The following ADGB variants were observed in gnomAD, a reference collection of about 807,000 sequenced individuals.
ADGB encodes calpain-7-like protein.
A neutral mutation model predicts 210.5 loss-of-function variants in ADGB; 172 were observed. The observed-to-expected ratio is 0.82, with a 90% CI of 0.72 to 0.93. The LOEUF is 0.93. Among genes scored for constraint, ADGB ranks in the 40% least tolerant of loss-of-function variants. The probability of loss-of-function intolerance (pLI) is 0.00; values close to 1 mark genes in which losing one functional copy is unlikely to be tolerated. For synonymous variants in ADGB, 658 were observed against 662.7 expected (o/e 0.99, Z 0.11); for missense variants, 2,025 against 1,964.8 (o/e 1.03, Z -0.58).
At chr6:146,647,650 C>T (rs1775640801) in intron 3 of ADGB, among the ~76,000 whole-genome samples, 1 of 152,000 alleles carries the variant, frequency 6.6e-6, no homozygotes, top group Non-Finnish European at 1.5e-5. Flanking sequence ...TAAGATAAAA[C>T]ATTTTAGCAT....
At chr6:146,800,616 G>T (rs1201716186) in intron 33 of ADGB, among the ~76,000 whole-genome samples, 2 of 152,000 alleles carry the variant, frequency 1.3e-5, no homozygotes, top group African/African-American at 2.4e-5. Flanking sequence ...GTTCTTGTGG[G>T]CTCGATACTG....
chr6:146,705,730 A>G (rs1301706571), intron 13 of ADGB, among the ~76,000 whole-genome samples: 3 of 152,096 alleles, frequency 2.0e-5, no homozygotes, highest in Admixed American at 6.6e-5. Flanking sequence ...ATATTGACCT[A>G]AGGTTTATTT....
chr6:146,651,799 T>A (rs1486732469), intron 3 of ADGB, among the ~76,000 whole-genome samples: 1 of 152,124 alleles, frequency 6.6e-6, no homozygotes, highest in East Asian at 1.9e-4. Flanking sequence ...TGGAGATGCC[T>A]GGTGGGAAAG....
intron 30 of ADGB, 60 bp downstream of exon 30, chr6:146,782,252 A>G (rs1259798741): frequency 7.9e-6 from 11 of 1,389,444 alleles, no homozygotes; most frequent in Non-Finnish European, 1.0e-5. Flanking sequence ...GTGGATTCCT[A>G]TTTGCCTATC....
chr6:146,725,858 C>T, intron 18 of ADGB: 1 of 391,920 alleles, frequency 2.6e-6, no homozygotes, highest in Non-Finnish European at 4.7e-6. Flanking sequence ...TGGTATTTAG[C>T]CTAACTATTT....
chr6:146,620,634 G>T (rs2114841749), intron 1 of ADGB, among the ~76,000 whole-genome samples: 1 of 150,912 alleles, frequency 6.6e-6, no homozygotes, highest in South Asian at 2.1e-4. Context: ...ACTTCTATTT[G>T]GTTTTTGAAA....
chr6:146,618,582 A>T (rs1231468318), intron 1 of ADGB, among the ~76,000 whole-genome samples: 3 of 151,952 alleles, frequency 2.0e-5, no homozygotes, highest in Admixed American at 2.0e-4. Context: ...ATAAATTTTT[A>T]AATTTCCTTT....
At chr6:146,718,849 A>G (rs1471406003) in intron 16 of ADGB, among the ~76,000 whole-genome samples, 3 of 152,216 alleles carry the variant, frequency 2.0e-5, no homozygotes, top group Non-Finnish European at 4.4e-5. Flanking sequence ...CTCCTCTGAA[A>G]ATAAGAATAG....
At chr6:146,691,425 T>TATATATATATATATAA (rs1776308529) in intron 11 of ADGB, 135 bp downstream of exon 11, 2 of 71,690 alleles carry the variant, frequency 2.8e-5, no homozygotes, top group African/African-American at 2.4e-4. Context: ...TATATATATA[T>TATATATATATATATAA]ATATATATAT....
At chr6:146,713,496 T>C (rs1247906948) in intron 13 of ADGB, among the ~76,000 whole-genome samples, 1 of 152,252 alleles carries the variant, frequency 6.6e-6, no homozygotes, top group Non-Finnish European at 1.5e-5. Context: ...TGATTCATGA[T>C]ATTGAGAATC....
At chr6:146,707,777 T>A (rs1239030589) in intron 13 of ADGB, among the ~76,000 whole-genome samples, 1 of 152,100 alleles carries the variant, frequency 6.6e-6, no homozygotes, top group Admixed American at 6.5e-5. Flanking sequence ...GTCTTTGTTT[T>A]TTAAATACAT....
At chr6:146,801,152 G>T in intron 33 of ADGB, 31 bp from the exon 34 acceptor site, 1 of 1,286,906 alleles carries the variant, frequency 7.8e-7, no homozygotes, top group Non-Finnish European at 1.0e-6. Flanking sequence ...TAAAGCCTAG[G>T]TTTTTTGTTG....
intron 2 of ADGB, among the ~76,000 whole-genome samples, chr6:146,643,079 G>A (rs75962285): frequency 8.3e-4 from 126 of 151,874 alleles, no homozygotes; most frequent in African/African-American, 2.9e-3. Flanking sequence ...ATAAAGGAGG[G>A]GAAAATGATG....
chr6:146,627,640 T>C (rs1478961883), intron 1 of ADGB, among the ~76,000 whole-genome samples: 1 of 152,120 alleles, frequency 6.6e-6, no homozygotes, highest in Non-Finnish European at 1.5e-5. Flanking sequence ...TTCTCTCAGG[T>C]ACTTTTTTTC....
At position 146,617,650 on chromosome 6, in the gene ADGB, C is replaced by T. The variant is rs931758321; in HGVS notation, c.75-17725C>T. Among the ~76,000 whole-genome samples the T allele has an allele frequency of 7.3e-5, 11 of 151,570 alleles. No homozygotes were observed. In the East Asian group the frequency reaches 1.4e-3, roughly 19 times the overall value. On this transcript the variant is annotated intron_variant, in intron 1 of 35. Transcript: ENST00000397944. ...AATTTATGTAGAGTTTTTATCATGA[C>T]GGGTTATTAAATTTTATCAAATGCA...
intron 13 of ADGB, among the ~76,000 whole-genome samples, chr6:146,713,640 A>G (rs1399795527): frequency 1.3e-5 from 2 of 151,604 alleles, no homozygotes; most frequent in African/African-American, 4.8e-5. Flanking sequence ...ATATTCTTGT[A>G]TTTTCCCTTT....
intron 22 of ADGB, 82 bp downstream of exon 22, chr6:146,734,112 G>GT (rs1274694742): frequency 7.3e-6 from 10 of 1,365,280 alleles, no homozygotes; most frequent in Non-Finnish European, 9.9e-6. Context: ...GTATTTTGGA[G>GT]TCCCCCACTT....
chr6:146,667,176 T>G (rs1775948525), intron 7 of ADGB, among the ~76,000 whole-genome samples: 2 of 152,010 alleles, frequency 1.3e-5, no homozygotes, highest in East Asian at 3.9e-4. Flanking sequence ...CACAGAAGTT[T>G]ATTACCATGT....
At chr6:146,712,483 G>A (rs577934252) in intron 13 of ADGB, among the ~76,000 whole-genome samples, 37 of 152,054 alleles carry the variant, frequency 2.4e-4, no homozygotes, top group African/African-American at 8.7e-4. Flanking sequence ...CACCATGCCA[G>A]GCCCTGGGTT....
Sources: gnomAD v4.1 joint callset for allele counts (sites outside exome capture counted in the v4.1 genomes callset) on GRCh38, gnomAD v4.1.1 for gene constraint, MANE v1.5 for transcripts, NCBI Gene and HGNC (gene_info 2026-07-23, HGNC 2026-07-21) for gene names.